NAV3: variants seen among roughly 807,000 people sequenced by gnomAD.
NAV3 encodes neuron navigator 3, also known as pore membrane and/or filament interacting like protein 1.
In NAV3, 87 loss-of-function variants were observed where a neutral mutation model predicts 244.7. The observed-to-expected ratio is 0.36, with a 90% CI of 0.30 to 0.42. The LOEUF is 0.42. Ranked by LOEUF, NAV3 falls within the 20% of genes least tolerant of loss-of-function variation. The pLI, the probability that NAV3 is intolerant of heterozygous loss-of-function variation, is 1.00. For missense variants in NAV3, 2,663 were observed against 2,893.3 expected, an observed-to-expected ratio of 0.92 and a Z score of 1.83; for synonymous variants, 1,126 against 1,042.2, an observed-to-expected ratio of 1.08 and a Z score of -1.55.
At chr12:77,706,029 C>G (rs1476063158) in intron 2 of NAV3, among the ~76,000 whole-genome samples, 1 of 151,116 alleles carries the variant, frequency 6.6e-6, no homozygotes, top group East Asian at 1.9e-4. Context: ...TCATATAGTC[C>G]ATGATATCTA....
chr12:77,689,688 A>T (rs1280197656), intron 2 of NAV3, among the ~76,000 whole-genome samples: 1 of 151,900 alleles, frequency 6.6e-6, no homozygotes, highest in Non-Finnish European at 1.5e-5. Flanking sequence ...AACTGAGGTA[A>T]AGGTTTATCA....
intron 17 of NAV3, among the ~76,000 whole-genome samples, chr12:78,127,898 A>C (rs962967854): frequency 4.6e-5 from 7 of 152,178 alleles, no homozygotes; most frequent in African/African-American, 1.7e-4. Context: ...AAATAAAATA[A>C]AAATTTAACT....
chr12:77,997,693 C>T (rs1005375777), intron 6 of NAV3, among the ~76,000 whole-genome samples: 5 of 152,174 alleles, frequency 3.3e-5, no homozygotes, highest in African/African-American at 1.2e-4. Flanking sequence ...GTGAGACAAC[C>T]AGCTAAGTCT....
Position 77,831,388 on chromosome 12 carries a change from A to C in NAV3, c.-74A>C. On this transcript the variant is annotated 5_prime_UTR_variant, in exon 1 of 40. Transcript: ENST00000397909. ...TGTTTAAAGTATTTGTTCTGGAAAT[A>C]CTAAAGTTGGAGTCTACCAGACTGA... is the stretch of plus-strand genomic sequence containing the variant. 7.0e-7 allele frequency: 1 copy of C among 1,423,228 alleles called. No individual in the cohort carries two copies. The highest frequency in any genetic ancestry group is 9.4e-7 in the Non-Finnish European group (1 of 1,068,504). The allele number at this position is 1,423,228 out of a possible 1,614,324, so 88.2% of individuals were successfully genotyped here. A position where few individuals can be genotyped will look rare whatever the true frequency, so the allele number is the denominator to read the frequency against.
intron 5 of NAV3, among the ~76,000 whole-genome samples, chr12:77,971,911 A>G (rs1893029264): frequency 6.6e-6 from 1 of 152,214 alleles, no homozygotes; most frequent in African/African-American, 2.4e-5. Context: ...ACATATTTCC[A>G]CAACATTTAT....
At chr12:78,104,980 G>A (rs1455079793) in intron 12 of NAV3, among the ~76,000 whole-genome samples, 1 of 152,040 alleles carries the variant, frequency 6.6e-6, no homozygotes, top group Non-Finnish European at 1.5e-5. Flanking sequence ...ATGAGTTTTT[G>A]TTCACAATGC....
intron 11 of NAV3, among the ~76,000 whole-genome samples, chr12:78,053,285 C>A (rs1883032321): frequency 6.6e-6 from 1 of 150,806 alleles, no homozygotes; most frequent in South Asian, 2.1e-4. Context: ...TGTATATATA[C>A]CTATGTGCAC....
At chr12:77,753,452 C>T (rs1868964651) in intron 2 of NAV3, among the ~76,000 whole-genome samples, 1 of 152,126 alleles carries the variant, frequency 6.6e-6, no homozygotes, top group Non-Finnish European at 1.5e-5. Context: ...AGCCAAAAGC[C>T]ACCTTCATCC....
chr12:77,913,922 A>T (rs540334585), intron 1 of NAV3, among the ~76,000 whole-genome samples: 2 of 152,168 alleles, frequency 1.3e-5, no homozygotes, highest in Non-Finnish European at 2.9e-5. Context: ...GTAAGTTTTT[A>T]AAAGCGCTGT....
chr12:78,152,536 TATA>T (rs1438622617), intron 22 of NAV3, among the ~76,000 whole-genome samples: 1 of 151,924 alleles, frequency 6.6e-6, no homozygotes, highest in Non-Finnish European at 1.5e-5. Flanking sequence ...GTGTTTGCTT[TATA>T]ATGTCATTTT....
intron 1 of NAV3, among the ~76,000 whole-genome samples, chr12:77,923,121 A>G (rs1245404322): frequency 6.6e-6 from 1 of 151,930 alleles, no homozygotes; most frequent in Non-Finnish European, 1.5e-5. Context: ...TTTAGTTCCA[A>G]TTTATAAATA....
intron 9 of NAV3, among the ~76,000 whole-genome samples, chr12:78,035,727 T>C (rs983446165): frequency 1.3e-5 from 2 of 152,222 alleles, no homozygotes; most frequent in Admixed American, 6.5e-5. Context: ...TCTTTCTATT[T>C]CCTTTTTGTT....
intron 1 of NAV3, among the ~76,000 whole-genome samples, chr12:77,922,166 T>C (rs1206289253): frequency 6.6e-6 from 1 of 152,168 alleles, no homozygotes; most frequent in South Asian, 2.1e-4. Context: ...CAGTTCCAAT[T>C]AAAAATATTA....
intron 2 of NAV3, among the ~76,000 whole-genome samples, chr12:77,808,111 G>C (rs1400026844): frequency 6.6e-6 from 1 of 152,034 alleles, no homozygotes; most frequent in Non-Finnish European, 1.5e-5. Flanking sequence ...TCCTTGCATT[G>C]GGCTAGAACA....
At chr12:77,791,360 A>G (rs1312675824) in intron 2 of NAV3, among the ~76,000 whole-genome samples, 1 of 151,916 alleles carries the variant, frequency 6.6e-6, no homozygotes, top group Non-Finnish European at 1.5e-5. Flanking sequence ...ATCTCAAAAA[A>G]AAAAAAAAAA....
chr12:78,177,640 C>T lies in NAV3; in HGVS notation c.5318C>T (p.Pro1773Leu). The change falls in exon 28 of 40, where the codon CCA becomes CTA. Residue 1773 changes from proline (P) to leucine (L), a missense_variant. By Grantham distance (98) the Pro-to-Leu change is moderately conservative (BLOSUM62 -3). Around this residue, in one of 6 missense-constraint regions of NAV3, gnomAD observed 193 missense variants for 200.7 expected, o/e 0.96. Transcript: ENST00000397909. ...SASASPLVWP[P>L]KKRQNGPVIY... ...TACAGGTCACCCCTTGTCTGGCCAC[C>T]AAAGAAACGACAAAATGGCCCTGTG... is the stretch of plus-strand genomic sequence containing the variant. The T allele has an allele frequency of 6.3e-7, 1 of 1,597,216 alleles. No homozygotes were observed. Among genetic ancestry groups the T allele is most frequent in the Non-Finnish European group, 8.5e-7 (1 of 1,179,200 alleles).
chr12:78,200,507 A>T lies in NAV3; in HGVS notation c.6750A>T (p.Val2250=), dbSNP rs2140030135. 6.3e-7 allele frequency: 1 copy of T among 1,596,610 alleles called. No homozygotes were observed. Among genetic ancestry groups the T allele is most frequent in the Non-Finnish European group, 8.5e-7 (1 of 1,171,212 alleles). The stretch of plus-strand genomic sequence containing the variant: ...TATTCCTTCCTTGCCCCATGGATGT[A>T]GAAGGTTCTAGAGTATGGTTCATGG... The part of the protein sequence containing the change: ...PRLFLPCPMD[V]EGSRVWFMDL... Residue 2250 remains valine, a synonymous_variant, in exon 38 of 40, where the codon GTA becomes GTT. Coordinates refer to ENST00000397909, the MANE Select transcript of NAV3 (RefSeq NM_001024383.2).
chr12:78,068,941 T>C (rs1169160637), intron 12 of NAV3, among the ~76,000 whole-genome samples: 1 of 151,750 alleles, frequency 6.6e-6, no homozygotes, highest in Non-Finnish European at 1.5e-5. Flanking sequence ...CATGAAACAC[T>C]TCGTTATTTT....
chr12:77,713,412 A>T (rs1004562188), intron 2 of NAV3, among the ~76,000 whole-genome samples: 1 of 152,142 alleles, frequency 6.6e-6, no homozygotes, highest in Non-Finnish European at 1.5e-5. Context: ...CTGTGTATTC[A>T]GTTTTATATA....
Sources: gnomAD v4.1 joint callset for allele counts (sites outside exome capture counted in the v4.1 genomes callset) on GRCh38, gnomAD v4.1.1 for gene constraint, gnomAD v4.1.1 regional missense constraint, MANE v1.5 for transcripts, NCBI Gene and HGNC (gene_info 2026-07-23, HGNC 2026-07-21) for gene names.